Variants in PARN observed in about 807,000 individuals in gnomAD.
PARN encodes poly(A)-specific ribonuclease, also known as poly(A)-specific ribonuclease PARN.
Under a neutral mutation model 102.8 loss-of-function variants are expected in PARN, and 71 were observed. That is an observed-to-expected ratio of 0.69 (90% confidence interval 0.57 to 0.84). The LOEUF (loss-of-function observed/expected upper bound fraction) is 0.84, where lower values mean the gene tolerates loss of function less well. Ranked by LOEUF, PARN falls within the 40% of genes least tolerant of loss-of-function variation. The pLI, the probability that PARN is intolerant of heterozygous loss-of-function variation, is 0.00. For synonymous variants in PARN, 261 were observed against 252.9 expected (o/e 1.03, Z -0.30); for missense variants, 782 against 760.9 (o/e 1.03, Z -0.33).
chr16:14,628,253 T>G lies in PARN; in HGVS notation c.98-2A>C, dbSNP rs888010173. The G allele has an allele frequency of 3.8e-6, 6 of 1,573,808 alleles. No homozygotes were observed. The highest frequency in any genetic ancestry group is 5.2e-6 in the Non-Finnish European group (6 of 1,148,448). Reference sequence around the variant, plus strand: ...AGACTGAAGGTCCATCACTGATTCCTAGATTTTAAGAAATAAAAATTTTTA... The same window carrying G: ...AGACTGAAGGTCCATCACTGATTCCGAGATTTTAAGAAATAAAAATTTTTA... On this transcript the variant is annotated splice_acceptor_variant, in intron 2 of 23. Coordinates refer to ENST00000437198, the MANE Select transcript of PARN (RefSeq NM_002582.4). LOFTEE classifies it high-confidence loss of function.
At chr16:14,447,203 G>A in intron 22 of PARN, 122 bp from the exon 23 acceptor site, 5 of 556,396 alleles carry the variant, frequency 9.0e-6, no homozygotes, top group Non-Finnish European at 1.5e-5. Flanking sequence ...AACATGGGCA[G>A]CTGCTGCCTG....
intron 16 of PARN, among the ~76,000 whole-genome samples, chr16:14,583,985 T>C (rs1467133419): frequency 6.6e-6 from 1 of 152,228 alleles, no homozygotes; most frequent in African/African-American, 2.4e-5. Flanking sequence ...ATATATTTTT[T>C]ACTCTACCCC....
At chr16:14,494,562 C>A (rs112894802) in intron 21 of PARN, among the ~76,000 whole-genome samples, 4 of 152,154 alleles carry the variant, frequency 2.6e-5, no homozygotes, top group Non-Finnish European at 5.9e-5. Flanking sequence ...GGTGACTCAT[C>A]TGAGAGAGGA....
intron 22 of PARN, among the ~76,000 whole-genome samples, chr16:14,469,821 T>C (rs1443767904): frequency 6.6e-6 from 1 of 152,122 alleles, no homozygotes; most frequent in African/African-American, 2.4e-5. Flanking sequence ...CTATAAATTA[T>C]ACAGGACTAA....
chr16:14,443,409 C>T (rs1449167769), intron 23 of PARN, among the ~76,000 whole-genome samples: 1 of 150,034 alleles, frequency 6.7e-6, no homozygotes, highest in African/African-American at 2.5e-5. Context: ...GGCATGATCT[C>T]AGCTCACTGC....
Position 14,608,262 on chromosome 16 carries a change from A to G in PARN, c.659+19T>C, listed in dbSNP as rs989916354. ...CCTGGGTCCCCCACAGAGCTGCTGC[A>G]TACAATATAAATACTTACTTCCAGC... On this transcript the variant is annotated intron_variant, in intron 9 of 23. Coordinates refer to ENST00000437198, the MANE Select transcript of PARN (RefSeq NM_002582.4). 7.3e-6 allele frequency: 11 copies of G among 1,508,128 alleles called. No individual in the cohort carries two copies. Among genetic ancestry groups the G allele is most frequent in the Middle Eastern group, 1.7e-4 (1 of 5,900 alleles). 93.4% of individuals were successfully genotyped at this position (1,508,128 alleles called of 1,614,324 possible).
chr16:14,464,928 A>G (rs1962234957), intron 22 of PARN, among the ~76,000 whole-genome samples: 1 of 152,246 alleles, frequency 6.6e-6, no homozygotes, highest in South Asian at 2.1e-4. Flanking sequence ...GAAAGAGTTC[A>G]TCACCAGCAG....
At chr16:14,618,765 G>C (rs1405100494) in intron 5 of PARN, among the ~76,000 whole-genome samples, 1 of 151,934 alleles carries the variant, frequency 6.6e-6, no homozygotes, top group Non-Finnish European at 1.5e-5. Flanking sequence ...ACTATAAATA[G>C]AACTAGTATG....
chr16:14,618,425 T>A (rs1041679682), intron 5 of PARN, among the ~76,000 whole-genome samples: 1 of 151,292 alleles, frequency 6.6e-6, no homozygotes, highest in East Asian at 1.9e-4. Flanking sequence ...GAGGTGGAGC[T>A]TGCAGTGAGC....
rs376849964 is a variant in PARN, at chr16:14,602,564, G to A, written c.783+1582C>T. ...GGGGAACATCTTTTTCCACTCTAGG[G>A]GATGCCATGGTGCCCTGGTGGCCTT... On this transcript the variant is annotated intron_variant, in intron 11 of 23. Transcript: ENST00000437198. Among the ~76,000 whole-genome samples, 16 of 152,228 alleles carry A rather than the reference G, an allele frequency of 1.1e-4. No individual in the cohort carries two copies. The East Asian group carries it at 2.7e-3, about 26-fold the overall frequency.
At chr16:14,514,902 C>T (rs142115190) in intron 21 of PARN, among the ~76,000 whole-genome samples, 29 of 152,112 alleles carry the variant, frequency 1.9e-4, no homozygotes, top group Non-Finnish European at 2.9e-4. Context: ...TAAGGCTGCA[C>T]GGGGAAGCTA....
intron 22 of PARN, among the ~76,000 whole-genome samples, chr16:14,476,637 C>T (rs752732129): frequency 2.6e-5 from 4 of 152,124 alleles, no homozygotes; most frequent in South Asian, 2.1e-4. Context: ...CAAGACCAGC[C>T]TGGGTAACAT....
intron 22 of PARN, among the ~76,000 whole-genome samples, chr16:14,468,901 A>AGATG (rs1181654108): frequency 6.6e-6 from 1 of 151,414 alleles, no homozygotes; most frequent in Non-Finnish European, 1.5e-5. Context: ...ATAGATAGAT[A>AGATG]GATAGATAGA....
Position 14,537,279 on chromosome 16 carries a change from C to A in PARN, c.1480+14742G>T, listed in dbSNP as rs372352435. 3.2e-4 allele frequency among the ~76,000 whole-genome samples: 49 copies of A among 152,034 alleles called. No homozygotes were observed. The East Asian group carries it at 6.6e-3, about 20-fold the overall frequency. On this transcript the variant is annotated intron_variant, in intron 21 of 23. Coordinates refer to ENST00000437198, the MANE Select transcript of PARN (RefSeq NM_002582.4). The stretch of plus-strand genomic sequence containing the variant: ...GTCAGAATGACTACTATAAAAAAGA[C>A]AAAAAAATAACACAGACTGGCGATG...
At chr16:14,538,995 T>C (rs1470232685) in intron 21 of PARN, among the ~76,000 whole-genome samples, 1 of 152,242 alleles carries the variant, frequency 6.6e-6, no homozygotes, top group Non-Finnish European at 1.5e-5. Flanking sequence ...TGGGACTGTC[T>C]AGTTGCAGGA....
intron 22 of PARN, among the ~76,000 whole-genome samples, chr16:14,477,962 A>AT (rs1281256565): frequency 1.3e-5 from 2 of 152,160 alleles, no homozygotes; most frequent in African/African-American, 4.8e-5. Flanking sequence ...GCCAAGTGGG[A>AT]TTTCTTTTAG....
At chr16:14,551,287 G>A (rs1236590253) in intron 21 of PARN, among the ~76,000 whole-genome samples, 1 of 151,640 alleles carries the variant, frequency 6.6e-6, no homozygotes, top group Non-Finnish European at 1.5e-5. Context: ...TGTAAAACAA[G>A]GCTGGGCATT....
chr16:14,477,670 T>C (rs2151591318), intron 22 of PARN, among the ~76,000 whole-genome samples: 1 of 151,262 alleles, frequency 6.6e-6, no homozygotes, highest in African/African-American at 2.4e-5. Flanking sequence ...TCCCAGCTAC[T>C]CGGGAGGCTG....
chr16:14,474,607 G>C (rs1373397612), intron 22 of PARN, among the ~76,000 whole-genome samples: 1 of 152,226 alleles, frequency 6.6e-6, no homozygotes, highest in Non-Finnish European at 1.5e-5. Flanking sequence ...CCTCATTTAA[G>C]ATGAGAAAAC....
Sources: allele counts gnomAD v4.1 joint callset (sites outside exome capture counted in the v4.1 genomes callset), GRCh38; gene constraint gnomAD v4.1.1; transcripts MANE v1.5; gene names NCBI Gene and HGNC (gene_info 2026-07-23, HGNC 2026-07-21).